The following RPGR variants were observed in gnomAD, a reference collection of about 807,000 sequenced individuals.
The protein encoded by RPGR is retinitis pigmentosa GTPase regulator, also known as X-linked retinitis pigmentosa GTPase regulator.
Under a neutral mutation model 56.3 loss-of-function variants are expected in RPGR, and 10 were observed. The observed-to-expected ratio is 0.18, with a 90% CI of 0.11 to 0.30. The LOEUF is 0.30. Ranked by LOEUF, RPGR falls within the 10% of genes least tolerant of loss-of-function variation. The probability of loss-of-function intolerance (pLI) is 1.00; values close to 1 mark genes in which losing one functional copy is unlikely to be tolerated. For missense variants in RPGR, 538 were observed against 590.9 expected (o/e 0.91, Z 0.93); for synonymous variants, 197 against 212.9 (o/e 0.93, Z 0.65).
intron 7 of RPGR, 61 bp downstream of exon 7, chrX:38,310,554 T>TA: frequency 8.8e-7 from 1 of 1,137,132 alleles, no homozygotes; most frequent in Non-Finnish European, 1.2e-6. Context: ...AAATGAACAT[T>TA]AAAAAAATTT....
At chrX:38,320,381 C>T (rs1352891341) in intron 4 of RPGR, among the ~76,000 whole-genome samples, 2 of 111,807 alleles carry the variant, frequency 1.8e-5, no homozygotes. Context: ...AGATACTATC[C>T]TTTCTCTATT....
intron 7 of RPGR, 32 bp downstream of exon 7, chrX:38,310,583 G>A (rs763747338): frequency 2.5e-6 from 3 of 1,202,639 alleles, no homozygotes; most frequent in South Asian, 3.5e-5. Flanking sequence ...ACCACAGAAC[G>A]CAGGGAACAG....
chrX:38,317,605 A>G lies in RPGR; in HGVS notation c.470-140T>C, dbSNP rs1009425923. 9.4e-5 allele frequency: 48 copies of G among 512,803 alleles called. No homozygotes were observed. The African/African-American group carries it at 1.1e-3, about 12-fold the overall frequency. The allele number at this position is 512,803 out of a possible 1,213,427, so 42.3% of individuals were successfully genotyped here. A position where few individuals can be genotyped will look rare whatever the true frequency, so the allele number is the denominator to read the frequency against. On this transcript the variant is annotated intron_variant, in intron 5 of 18. Coordinates refer to ENST00000642395, the MANE Select transcript of RPGR (RefSeq NM_000328.3). The stretch of plus-strand genomic sequence containing the variant: ...ACAATAAAGTACTACTAAGACATTT[A>G]CACCAGCTAGCTACTTAAGAGTTCA...
chrX:38,301,197 C>A, intron 9 of RPGR, 50 bp downstream of exon 9: 1 of 1,065,214 alleles, frequency 9.4e-7, no homozygotes, highest in East Asian at 3.1e-5. Flanking sequence ...TACTGAAAGA[C>A]TCAAATACAG....
Position 38,273,456 on chromosome X carries a change from T to C in RPGR, c.2171A>G (p.Asp724Gly). The change falls in exon 18 of 19, where the codon GAT becomes GGT. Residue 724 changes from aspartate to glycine, a missense_variant. Coordinates refer to ENST00000642395, the MANE Select transcript of RPGR (RefSeq NM_000328.3). The stretch of plus-strand genomic sequence containing the variant: ...TTCTAGGATTTCTAATGAACTGCTA[T>C]CTGCATCATCAAGCATGTATCCTAC... The C allele has an allele frequency of 8.3e-7, 1 of 1,203,260 alleles. No individual in the cohort carries two copies. The highest frequency in any genetic ancestry group is 3.0e-5 in the East Asian group (1 of 33,788).
At chrX:38,288,882 A>T (rs2067238659) in intron 13 of RPGR, among the ~76,000 whole-genome samples, 2 of 109,975 alleles carry the variant, frequency 1.8e-5, no homozygotes, top group Admixed American at 1.9e-4. Flanking sequence ...CCTGGGTTCC[A>T]GCGATTCTCC....
intron 7 of RPGR, 83 bp downstream of exon 7, chrX:38,310,532 T>C: frequency 1.2e-6 from 1 of 828,715 alleles, no homozygotes; most frequent in African/African-American, 2.2e-5. Flanking sequence ...AATAAAAAAA[T>C]GAACATAAAA....
At chrX:38,318,636 T>C (rs1454783597) in intron 5 of RPGR, among the ~76,000 whole-genome samples, 193 bp downstream of exon 5, 4 of 112,085 alleles carry the variant, frequency 3.6e-5, no homozygotes, top group South Asian at 3.7e-4. Context: ...CAAATAAGCA[T>C]AAAATAAGCA....
intron 11 of RPGR, among the ~76,000 whole-genome samples, chrX:38,295,462 A>G (rs1333375635): frequency 8.9e-6 from 1 of 112,390 alleles, no homozygotes; most frequent in Non-Finnish European, 1.9e-5. Flanking sequence ...TCTAGCTACA[A>G]AATCATGCAT....
intron 9 of RPGR, among the ~76,000 whole-genome samples, chrX:38,299,514 C>T (rs2067460170): frequency 9.0e-6 from 1 of 110,883 alleles, no homozygotes; most frequent in African/African-American, 3.3e-5. Context: ...AAAAATTACT[C>T]AGAGAAGTTC....
intron 18 of RPGR, chrX:38,272,592 CAA>C (rs36025051): frequency 8.1e-5 from 7 of 86,228 alleles, no homozygotes; most frequent in Admixed American, 2.7e-4. Context: ...AACTCCATCT[CAA>C]AAAAAAAAAA....
chrX:38,274,076 A>G (rs2066887339), intron 17 of RPGR: 2 of 112,554 alleles, frequency 1.8e-5, no homozygotes, highest in Non-Finnish European at 3.7e-5. Context: ...GAAACTATTC[A>G]TTCTTCAGCT....
At chrX:38,282,806 A>AGCAGCAG (rs1209948138) in intron 15 of RPGR, among the ~76,000 whole-genome samples, 1 of 110,284 alleles carries the variant, frequency 9.1e-6, no homozygotes, top group African/African-American at 3.3e-5. Context: ...CAGCAGCAGC[A>AGCAGCAG]GTTTCTGTGG....
At position 38,275,040 on chromosome X, in the gene RPGR, T is replaced by C. The variant is rs766363107; in HGVS notation, c.2149+49A>G. 5.2e-6 allele frequency: 5 copies of C among 964,674 alleles called. No homozygotes were observed. In the East Asian group the frequency reaches 1.5e-4, roughly 30 times the overall value. The allele number at this position is 964,674 out of a possible 1,213,427, so 79.5% of individuals were successfully genotyped here. ...ATTATGGCATACATACACATATATA[T>C]GTGTGTATGTATGTATGTATATATG... On this transcript the variant is annotated intron_variant, in intron 17 of 18. Transcript: ENST00000642395.
intron 17 of RPGR, chrX:38,275,028 T>TAC: frequency 1.1e-6 from 1 of 925,941 alleles, no homozygotes; most frequent in Non-Finnish European, 1.6e-6. Flanking sequence ...ATGGCATACA[T>TAC]ACACATATAT....
At chrX:38,271,363 T>C (rs1035498896) in intron 18 of RPGR, among the ~76,000 whole-genome samples, 2 of 111,899 alleles carry the variant, frequency 1.8e-5, no homozygotes, top group Non-Finnish European at 1.9e-5. Flanking sequence ...AAAAATATAA[T>C]TTTATAATGT....
At position 38,304,739 on chromosome X, in the gene RPGR, C is replaced by T; in HGVS notation, c.830G>A (p.Gly277Asp). 1 of 1,209,671 alleles carries T rather than the reference C, an allele frequency of 8.3e-7. No individual in the cohort carries two copies. Among genetic ancestry groups the T allele is most frequent in the Non-Finnish European group, 1.1e-6 (1 of 894,200 alleles). Residue 277 changes from glycine (G) to aspartate (D), a missense_variant, in exon 8 of 19, where the codon GGC (glycine) becomes GAC (aspartate). Physicochemically the swap from Gly to Asp is moderately conservative, Grantham distance 94 (BLOSUM62 -1). This residue lies in a region of RPGR where 181 missense variants were observed against 265.1 expected (regional missense o/e 0.68). Coordinates refer to ENST00000642395, the MANE Select transcript of RPGR (RefSeq NM_000328.3). ...TTCTGAAGTTTCAAAAAGAAAAGTG[C>T]CAAGACCCAGCTGACCAAATTGTCC...
In RPGR at chrX:38,269,837, GA is replaced by G. The variant is rs772487554; in HGVS notation, c.2242-6del. 2 of 1,143,488 alleles carry G rather than the reference GA, an allele frequency of 1.7e-6. No individual in the cohort carries two copies. The highest frequency in any genetic ancestry group is 1.8e-5 in the South Asian group (1 of 54,899). 94.2% of individuals were successfully genotyped at this position (1,143,488 alleles called of 1,213,427 possible). A position where few individuals can be genotyped will look rare whatever the true frequency, so the allele number is the denominator to read the frequency against. On this transcript the variant is annotated splice_region_variant and splice_polypyrimidine_tract_variant and intron_variant, in intron 18 of 18. Transcript: ENST00000642395. ...GACTCTTTTGAACAGAAAAATCTAG[GA>G]AAAAAACCACACACACAAATATTCA...
At chrX:38,285,089 G>A (rs2067103490) in intron 15 of RPGR, 1 of 738,549 alleles carries the variant, frequency 1.4e-6, no homozygotes, top group Non-Finnish European at 1.6e-6. Context: ...ATTCTATACA[G>A]TAGGTAAACT....
Sources: gnomAD v4.1 joint callset for allele counts (sites outside exome capture counted in the v4.1 genomes callset) on GRCh38, gnomAD v4.1.1 for gene constraint, gnomAD v4.1.1 regional missense constraint, MANE v1.5 for transcripts, NCBI Gene and HGNC (gene_info 2026-07-23, HGNC 2026-07-21) for gene names.